Variants in PLAG1 observed in about 807,000 individuals in gnomAD.
The protein encoded by PLAG1 is zinc finger protein PLAG1.
Under a neutral mutation model 35.5 loss-of-function variants are expected in PLAG1, and 7 were observed. The ratio of observed to expected loss-of-function variants is 0.20; its 90% CI spans 0.11 to 0.37. The LOEUF is 0.37. PLAG1 is among the 10% of genes least tolerant of loss of function. The probability of loss-of-function intolerance (pLI) is 1.00; values close to 1 mark genes in which losing one functional copy is unlikely to be tolerated. For synonymous variants in PLAG1, 229 were observed against 225.4 expected, an observed-to-expected ratio of 1.02 and a Z score of -0.14; for missense variants, 454 against 602.8, an observed-to-expected ratio of 0.75 and a Z score of 2.58.
intron 1 of PLAG1, among the ~76,000 whole-genome samples, chr8:56,181,824 A>G (rs1358940475): frequency 6.6e-6 from 1 of 152,240 alleles, no homozygotes; most frequent in Non-Finnish European, 1.5e-5. Flanking sequence ...TTTAAAAACA[A>G]TATTATATGG....
intron 1 of PLAG1, among the ~76,000 whole-genome samples, chr8:56,195,328 G>A (rs1207946098): frequency 6.6e-6 from 1 of 152,132 alleles, no homozygotes; most frequent in Non-Finnish European, 1.5e-5. Context: ...ATGTTAGGGA[G>A]CCATTACCAG....
Position 56,164,682 on chromosome 8 carries a change from A to G in PLAG1, c.*1561T>C, listed in dbSNP as rs943844106. On this transcript the variant is annotated 3_prime_UTR_variant, in exon 5 of 5. Transcript: ENST00000316981. ...CTTAATAGATATGTTTCTTAGGTTA[A>G]TGTCCCAACTGACCCTTAGAAAAAT... is the stretch of plus-strand genomic sequence containing the variant. 4.5e-6 allele frequency: 1 copy of G among 220,508 alleles called. No individual in the cohort carries two copies. The allele number at this position is 220,508 out of a possible 1,614,324, so 13.7% of individuals were successfully genotyped here.
At chr8:56,174,452 C>A (rs1811630138) in intron 2 of PLAG1, among the ~76,000 whole-genome samples, 1 of 152,148 alleles carries the variant, frequency 6.6e-6, no homozygotes, top group South Asian at 2.1e-4. Context: ...TCTGTAAAAT[C>A]ACTTATTAGT....
intron 2 of PLAG1, among the ~76,000 whole-genome samples, chr8:56,173,770 T>A (rs1443764159): frequency 1.3e-5 from 2 of 152,062 alleles, no homozygotes; most frequent in Non-Finnish European, 2.9e-5. Flanking sequence ...GAAGAAGCAA[T>A]TTTTTCCAGG....
At chr8:56,193,657 T>C (rs1431828561) in intron 1 of PLAG1, among the ~76,000 whole-genome samples, 1 of 151,690 alleles carries the variant, frequency 6.6e-6, no homozygotes, top group Non-Finnish European at 1.5e-5. Flanking sequence ...AGTGACACAG[T>C]AACAAATGTT....
At position 56,197,397 on chromosome 8, in the gene PLAG1, A is replaced by C. The variant is rs1812411518; in HGVS notation, c.-322+13724T>G. On this transcript the variant is annotated intron_variant, in intron 1 of 4. Coordinates refer to ENST00000316981, the MANE Select transcript of PLAG1 (RefSeq NM_002655.3). ...TCTCTCCCCCAGTCCAGGTGTCCTCAGTGTCTTTTCCCAGCCTATCCTGGT... is the reference window on the plus strand; with the variant it reads ...TCTCTCCCCCAGTCCAGGTGTCCTCCGTGTCTTTTCCCAGCCTATCCTGGT... 2.6e-5 allele frequency among the ~76,000 whole-genome samples: 4 copies of C among 152,140 alleles called. No individual in the cohort carries two copies. In the South Asian group the frequency reaches 6.2e-4, roughly 24 times the overall value.
rs891719089 is a variant in PLAG1 at position 56,164,321 on chromosome 8, T to A, written c.*1922A>T. On this transcript the variant is annotated 3_prime_UTR_variant, in exon 5 of 5. Transcript: ENST00000316981. ...TTCTATGAAGTGCGGTATGTGTGCATGTGTGTGTGTGTGTGTATTATATAT... is the reference window on the plus strand; with the variant it reads ...TTCTATGAAGTGCGGTATGTGTGCAAGTGTGTGTGTGTGTGTATTATATAT... 3.4e-5 allele frequency: 5 copies of A among 147,332 alleles called. No individual in the cohort carries two copies. The highest frequency in any genetic ancestry group is 7.1e-5 in the Non-Finnish European group (5 of 70,000). 9.1% of individuals were successfully genotyped at this position (147,332 alleles called of 1,614,324 possible). A position where few individuals can be genotyped will look rare whatever the true frequency, so the allele number is the denominator to read the frequency against.
chr8:56,184,327 G>C (rs1811954901), intron 1 of PLAG1, among the ~76,000 whole-genome samples: 1 of 152,160 alleles, frequency 6.6e-6, no homozygotes, highest in African/African-American at 2.4e-5. Flanking sequence ...ACACTGGACA[G>C]TATCAAGAGC....
At chr8:56,201,831 A>G (rs1563394630) in intron 1 of PLAG1, among the ~76,000 whole-genome samples, 1 of 152,206 alleles carries the variant, frequency 6.6e-6, no homozygotes, top group East Asian at 1.9e-4. Context: ...TTTATGGCTG[A>G]AGCATAGCAT....
At chr8:56,203,285 T>G (rs1812609206) in intron 1 of PLAG1, among the ~76,000 whole-genome samples, 1 of 152,154 alleles carries the variant, frequency 6.6e-6, no homozygotes, top group Non-Finnish European at 1.5e-5. Context: ...ATTTCAGCAG[T>G]AAATCAAGTT....
chr8:56,178,333 A>G (rs1167798424), intron 2 of PLAG1, among the ~76,000 whole-genome samples: 4 of 152,286 alleles, frequency 2.6e-5, no homozygotes, highest in Middle Eastern at 3.4e-3. Flanking sequence ...CTACTAAAAA[A>G]CAACTTCATT....
chr8:56,193,558 C>G (rs117685065), intron 1 of PLAG1, among the ~76,000 whole-genome samples: 1,804 of 152,142 alleles, frequency 0.012, 18 homozygotes, highest in Admixed American at 0.02. Flanking sequence ...TACCCTTGAC[C>G]CTGCTACAAA....
rs1203683156 is a variant in PLAG1 at position 56,163,011 on chromosome 8, GT to G, written c.*3231del. 1.4e-5 allele frequency: 3 copies of G among 207,900 alleles called. No homozygotes were observed. Among genetic ancestry groups the G allele is most frequent in the African/African-American group, 6.8e-5 (3 of 43,910 alleles). 12.9% of individuals were successfully genotyped at this position (207,900 alleles called of 1,614,324 possible). On this transcript the variant is annotated 3_prime_UTR_variant, in exon 5 of 5. Transcript: ENST00000316981. ...TTGGTAATAGGATTTTAAAATGAAA[GT>G]TTTAACAGTGATCGATAACTATAAA...
chr8:56,191,079 C>T (rs761978740), intron 1 of PLAG1, among the ~76,000 whole-genome samples: 5 of 152,148 alleles, frequency 3.3e-5, no homozygotes, highest in South Asian at 2.1e-4. Flanking sequence ...GAGGGCCAAA[C>T]GACCACAGGC....
At chr8:56,209,908 T>C (rs928506685) in intron 1 of PLAG1, among the ~76,000 whole-genome samples, 1 of 152,168 alleles carries the variant, frequency 6.6e-6, no homozygotes, top group South Asian at 2.1e-4. Flanking sequence ...ATATTAACTC[T>C]ATTAAGAAAA....
intron 1 of PLAG1, among the ~76,000 whole-genome samples, chr8:56,207,884 G>A (rs1255009056): frequency 3.9e-5 from 6 of 152,044 alleles, no homozygotes; most frequent in Non-Finnish European, 7.4e-5. Context: ...CACTCTGAGT[G>A]CGTTTTCTGA....
chr8:56,167,473 G>A lies in PLAG1; in HGVS notation c.273C>T (p.Thr91=), dbSNP rs778530019. ...RHMATHSPEK[T]HKCNYCEKMF... is the part of the protein sequence containing the mutation. ...TTTTCTCACAATAATTACACTTGTG[G>A]GTTTTCTCAGGAGAATGAGTAGCCA... The change falls in exon 5 of 5, where the codon ACC becomes ACT. Residue 91 remains threonine (T), a synonymous_variant. Coordinates refer to ENST00000316981, the MANE Select transcript of PLAG1 (RefSeq NM_002655.3). This position sits in a 1 kb window ranked among gnomAD's most constrained non-coding sequence, Gnocchi z 5.9. The A allele has an allele frequency of 2.0e-5, 32 of 1,610,514 alleles. No individual in the cohort carries two copies. The highest frequency in any genetic ancestry group is 1.3e-5 in the Non-Finnish European group (15 of 1,177,852).
chr8:56,168,629 T>G (rs778443971), intron 3 of PLAG1, among the ~76,000 whole-genome samples: 27 of 152,168 alleles, frequency 1.8e-4, no homozygotes, highest in Non-Finnish European at 3.8e-4. Context: ...TGACACATGT[T>G]TTACTTAGGC....
chr8:56,168,005 G>C (rs756653347), intron 4 of PLAG1, 23 bp downstream of exon 4: 4 of 1,262,154 alleles, frequency 3.2e-6, no homozygotes, highest in Non-Finnish European at 1.1e-6. Flanking sequence ...AATATAATCT[G>C]AAAGACAAAT....
Sources: allele counts gnomAD v4.1 joint callset (sites outside exome capture counted in the v4.1 genomes callset), GRCh38; gene constraint gnomAD v4.1.1; non-coding constraint Gnocchi (gnomAD v3.1); transcripts MANE v1.5; gene names NCBI Gene and HGNC (gene_info 2026-07-23, HGNC 2026-07-21).